Variants in TRMT2B observed in about 807,000 individuals in gnomAD.
TRMT2B encodes the protein tRNA (uracil-5-)-methyltransferase homolog B.
Under a neutral mutation model 39.7 loss-of-function variants are expected in TRMT2B, and 34 were observed. The observed-to-expected ratio is 0.86, with a 90% confidence interval of 0.65 to 1.14. The LOEUF (loss-of-function observed/expected upper bound fraction) is 1.14, where lower values mean the gene tolerates loss of function less well. TRMT2B is among the 50% of genes most tolerant of loss of function. The probability of loss-of-function intolerance (pLI) is 0.00; values close to 1 mark genes in which losing one functional copy is unlikely to be tolerated. For missense variants in TRMT2B, 318 were observed against 377.2 expected (o/e 0.84, Z 1.30); for synonymous variants, 132 against 137.3 (o/e 0.96, Z 0.27).
intron 2 of TRMT2B, among the ~76,000 whole-genome samples, chrX:101,045,438 GA>G (rs1361354546): frequency 2.8e-4 from 24 of 84,871 alleles, no homozygotes; most frequent in Non-Finnish European, 9.0e-5. Flanking sequence ...TGGGCAACAA[GA>G]AAGAAACTTC....
the TRMT2B span, chrX:100,987,019 ACAC>A: frequency 2.2e-6 from 1 of 446,609 alleles, no homozygotes; most frequent in Non-Finnish European, 3.8e-6. Flanking sequence ...CTGTCAGGCA[ACAC>A]CCACAGTGAT....
At chrX:100,979,437 TTAAGTA>T in the TRMT2B span, among the ~76,000 whole-genome samples, 1 of 112,125 alleles carries the variant, frequency 8.9e-6, no homozygotes, top group Admixed American at 9.5e-5. Flanking sequence ...TTGATATACT[TTAAGTA>T]TATCATGCCA....
chrX:101,006,929 CTATAG>C (rs1353489823), downstream of TRMT2B, among the ~76,000 whole-genome samples: 2 of 111,697 alleles, frequency 1.8e-5, no homozygotes, highest in Non-Finnish European at 3.8e-5. Flanking sequence ...ACTTAATAGA[CTATAG>C]TATAAGCAAT....
chrX:101,026,028 AGAAGGGAGGGAGGAAG>A lies in TRMT2B; in HGVS notation c.610-2428_610-2413del, dbSNP rs1351513678. Reference sequence around the variant, plus strand: ...GAGAGACAGAAAGAGAGAGAAGGACAGAAGGGAGGGAGGAAGGAAGGGAGGGAGGGAGGGAGGAAGG... The same window carrying A: ...GAGAGACAGAAAGAGAGAGAAGGACAGAAGGGAGGGAGGGAGGGAGGAAGG... On this transcript the variant is annotated intron_variant, in intron 7 of 13. Transcript: ENST00000372936. Among the ~76,000 whole-genome samples the A allele has an allele frequency of 2.5e-3, 238 of 94,263 alleles. 2 individuals carry two copies. Among genetic ancestry groups the A allele is most frequent in the African/African-American group, 8.8e-3 (234 of 26,535 alleles). 81.9% of individuals were successfully genotyped at this position (94,263 alleles called of 115,157 possible). A position where few individuals can be genotyped will look rare whatever the true frequency, so the allele number is the denominator to read the frequency against.
chrX:101,033,188 G>A (rs2087607588), intron 7 of TRMT2B, among the ~76,000 whole-genome samples: 1 of 107,728 alleles, frequency 9.3e-6, no homozygotes, highest in Non-Finnish European at 1.9e-5. Context: ...CCCAGGAGGT[G>A]GAGATTGCAG....
At chrX:101,031,609 G>A (rs1304901634) in intron 7 of TRMT2B, among the ~76,000 whole-genome samples, 1 of 110,011 alleles carries the variant, frequency 9.1e-6, no homozygotes, top group Non-Finnish European at 1.9e-5. Flanking sequence ...TCGGGAGGCT[G>A]AGGCAGGAGA....
At chrX:100,983,804 CATA>C in the TRMT2B span, among the ~76,000 whole-genome samples, 6 of 111,516 alleles carry the variant, frequency 5.4e-5, no homozygotes, top group Admixed American at 5.8e-4. Flanking sequence ...CACATTTAAA[CATA>C]ATAATAATAT....
chrX:100,997,886 G>A, the TRMT2B span, among the ~76,000 whole-genome samples: 1 of 111,679 alleles, frequency 9.0e-6, no homozygotes, highest in Admixed American at 9.6e-5. Flanking sequence ...CATAAATGCT[G>A]AGAAACACCC....
At chrX:100,975,163 T>C in the TRMT2B span, among the ~76,000 whole-genome samples, 17 of 112,190 alleles carry the variant, frequency 1.5e-4, no homozygotes, top group African/African-American at 5.5e-4. Flanking sequence ...AAGCCCTCTA[T>C]GAGTTGGTCC....
rs762969586 is a variant in TRMT2B at position 101,015,793 on chromosome X, G to A, written c.1388+3178C>T. Among the ~76,000 whole-genome samples the A allele has an allele frequency of 2.6e-4, 18 of 69,630 alleles. No homozygotes were observed. In the South Asian group the frequency reaches 4.9e-3, roughly 19 times the overall value. 60.5% of individuals were successfully genotyped at this position (69,630 alleles called of 115,157 possible). ...ATTGAGATAATTTGCATACCATGCC[G>A]GGCACAGTGGCTCAGCCTGTAATCC... is the stretch of plus-strand genomic sequence containing the variant. On this transcript the variant is annotated intron_variant, in intron 13 of 13. Coordinates refer to ENST00000372936, the MANE Select transcript of TRMT2B (RefSeq NM_024917.6).
chrX:101,033,753 TG>T (rs1296015419), intron 7 of TRMT2B, among the ~76,000 whole-genome samples: 1 of 111,089 alleles, frequency 9.0e-6, no homozygotes, highest in Non-Finnish European at 1.9e-5. Flanking sequence ...TATTATTCTG[TG>T]AAAAAAAATC....
At chrX:100,986,451 A>C in the TRMT2B span, among the ~76,000 whole-genome samples, 52 of 111,877 alleles carry the variant, frequency 4.6e-4, no homozygotes, top group Non-Finnish European at 8.5e-4. Context: ...CCCCAACTAG[A>C]GCATGAACAG....
At chrX:101,036,571 T>C (rs1458517091) in intron 6 of TRMT2B, among the ~76,000 whole-genome samples, 4 of 109,819 alleles carry the variant, frequency 3.6e-5, no homozygotes, top group Admixed American at 9.9e-5. Flanking sequence ...TCTTTTAAGG[T>C]AGATTTACCA....
chrX:101,004,326 C>A, the TRMT2B span, among the ~76,000 whole-genome samples: 2 of 109,791 alleles, frequency 1.8e-5, no homozygotes, highest in East Asian at 2.8e-4. Context: ...TGATATAAAA[C>A]CCTATCACAC....
intron 7 of TRMT2B, among the ~76,000 whole-genome samples, chrX:101,028,180 G>A (rs761427450): frequency 9.1e-4 from 91 of 99,573 alleles, no homozygotes; most frequent in Non-Finnish European, 1.4e-3. Flanking sequence ...GTGCAGTGGC[G>A]CGGTTTAGGC....
At chrX:101,029,497 T>A (rs915975092) in intron 7 of TRMT2B, among the ~76,000 whole-genome samples, 1 of 111,573 alleles carries the variant, frequency 9.0e-6, no homozygotes, top group Non-Finnish European at 1.9e-5. Context: ...CTCCTTACTC[T>A]ATTTTTTCCC....
At chrX:100,983,299 A>T in the TRMT2B span, among the ~76,000 whole-genome samples, 10 of 111,513 alleles carry the variant, frequency 9.0e-5, no homozygotes, top group Non-Finnish European at 1.3e-4. Context: ...GGGCAAAAAA[A>T]ATATATAAAG....
chrX:101,037,181 T>G, intron 5 of TRMT2B, 108 bp from the exon 6 acceptor site: 1 of 604,833 alleles, frequency 1.7e-6, no homozygotes. Flanking sequence ...AAATAAGGTT[T>G]GCTTGGAGGG....
intron 13 of TRMT2B, among the ~76,000 whole-genome samples, chrX:101,011,325 T>C (rs1423334539): frequency 8.9e-6 from 1 of 112,069 alleles, no homozygotes; most frequent in Non-Finnish European, 1.9e-5. Context: ...TAGACAACTG[T>C]AACACAGTGG....
Sources: allele counts gnomAD v4.1 joint callset (sites outside exome capture counted in the v4.1 genomes callset), GRCh38; gene constraint gnomAD v4.1.1; transcripts MANE v1.5; gene names NCBI Gene and HGNC (gene_info 2026-07-23, HGNC 2026-07-21).